Variants in PCDHGB3 observed in about 807,000 individuals in gnomAD.
PCDHGB3 encodes the protein protocadherin gamma subfamily B, 3, also known as protocadherin gamma-B3.
Under a neutral mutation model 59.2 loss-of-function variants are expected in PCDHGB3, and 40 were observed. That is an observed-to-expected ratio of 0.68 (90% CI 0.52 to 0.88). The LOEUF (loss-of-function observed/expected upper bound fraction) is 0.88, where lower values mean the gene tolerates loss of function less well. Ranked by LOEUF, PCDHGB3 falls within the 40% of genes least tolerant of loss-of-function variation. PCDHGB3 has a pLI of 0.00. For synonymous variants in PCDHGB3, 581 were observed against 503.6 expected (o/e 1.15, Z -2.06); for missense variants, 1,309 against 1,187.9 (o/e 1.10, Z -1.50).
intron 1 of PCDHGB3, chr5:141,382,981 G>A (rs781148657): frequency 6.2e-7 from 1 of 1,612,324 alleles, no homozygotes; most frequent in Non-Finnish European, 8.5e-7. Flanking sequence ...GGAAGCCTGG[G>A]CAGGACGTAT....
At chr5:141,427,922 G>T (rs949317839) in intron 1 of PCDHGB3, 2 of 1,580,624 alleles carry the variant, frequency 1.3e-6, no homozygotes, top group African/African-American at 1.3e-5. Context: ...ACATGAGCCG[G>T]CGCATGTTGG....
At position 141,431,159 on chromosome 5, in the gene PCDHGB3, C is replaced by T. The variant is rs1017606383; in HGVS notation, c.2415+58350C>T. Reference sequence around the variant, plus strand: ...CATTAACGACAATGCGCCTTACTTTCGTGAAAGTGAATTAGAAATAAAAAT... The same window carrying T: ...CATTAACGACAATGCGCCTTACTTTTGTGAAAGTGAATTAGAAATAAAAAT... On this transcript the variant is annotated intron_variant, in intron 1 of 3. Transcript: ENST00000576222. The surrounding 1 kb of genome is among the most constrained non-coding windows in gnomAD (Gnocchi z 4.8). 1 of 1,614,158 alleles carries T rather than the reference C, an allele frequency of 6.2e-7. No individual in the cohort carries two copies. The highest frequency in any genetic ancestry group is 1.3e-5 in the African/African-American group (1 of 75,046).
At position 141,477,055 on chromosome 5, in the gene PCDHGB3, G is replaced by A. The variant is rs531755338; in HGVS notation, c.2416-17752G>A. Reference sequence around the variant, plus strand: ...CAATCAAGGGTCGGCTGGACTTCGAGGACACCAAACTCCATGAGATTTACA... The same window carrying A: ...CAATCAAGGGTCGGCTGGACTTCGAAGACACCAAACTCCATGAGATTTACA... On this transcript the variant is annotated intron_variant, in intron 1 of 3. Transcript: ENST00000576222. This position sits in a 1 kb window ranked among gnomAD's most constrained non-coding sequence, Gnocchi z 4.9. The A allele has an allele frequency of 4.5e-5, 72 of 1,614,242 alleles. 1 individual carries two copies. In the South Asian group the frequency reaches 7.8e-4, roughly 17 times the overall value.
At chr5:141,374,753 A>C in intron 1 of PCDHGB3, 1 of 1,612,912 alleles carries the variant, frequency 6.2e-7, no homozygotes, top group Admixed American at 1.7e-5. Context: ...TGTCCGCTCA[A>C]GCGTCGCCCA....
chr5:141,384,202 G>A (rs752360983), intron 1 of PCDHGB3: 9 of 1,613,734 alleles, frequency 5.6e-6, no homozygotes, highest in Non-Finnish European at 6.8e-6. Flanking sequence ...CTTGTCCAGG[G>A]AAACTCACAT....
In PCDHGB3 at chr5:141,485,441, A is replaced by G. The variant is rs1562105312; in HGVS notation, c.2416-9366A>G. ...CGGAGCCCTGCTCATCAAGAACCCA[A>G]TCGACCGAGAGGCACTGTGTGGGCT... On this transcript the variant is annotated intron_variant, in intron 1 of 3. Transcript: ENST00000576222. The surrounding 1 kb of genome is among the most constrained non-coding windows in gnomAD (Gnocchi z 5.7). 3 of 1,613,910 alleles carry G rather than the reference A, an allele frequency of 1.9e-6. No homozygotes were observed. Among genetic ancestry groups the G allele is most frequent in the South Asian group, 1.1e-5 (1 of 91,062 alleles).
intron 1 of PCDHGB3, chr5:141,390,525 G>C: frequency 1.8e-6 from 1 of 552,024 alleles, no homozygotes; most frequent in Non-Finnish European, 3.2e-6. Context: ...CAATGAGGGT[G>C]TGGTTTTAAC....
Position 141,491,670 on chromosome 5 carries a change from C to T in PCDHGB3, c.2416-3137C>T. The T allele has an allele frequency of 2.5e-6, 4 of 1,613,768 alleles. No individual in the cohort carries two copies. Among genetic ancestry groups the T allele is most frequent in the South Asian group, 1.1e-5 (1 of 91,082 alleles). On this transcript the variant is annotated intron_variant, in intron 1 of 3. Coordinates refer to ENST00000576222, the MANE Select transcript of PCDHGB3 (RefSeq NM_018924.5). The surrounding 1 kb of genome is among the most constrained non-coding windows in gnomAD (Gnocchi z 6.9). ...CGCTGGAGCCTGACGCCATCCGGTC[C>T]CGCTCTAATACGCTGCGGGAGCGGA...
At position 141,403,597 on chromosome 5, in the gene PCDHGB3, G is replaced by T. The variant is rs772486529; in HGVS notation, c.2415+30788G>T. On this transcript the variant is annotated intron_variant, in intron 1 of 3. Transcript: ENST00000576222. ...CCCACCACCTGGTCCTCACGGCCTC[G>T]GATGGCGGCGAGCCGCGTCGCTCCA... The T allele has an allele frequency of 1.3e-5, 21 of 1,613,692 alleles. No individual in the cohort carries two copies. The African/African-American group carries it at 2.5e-4, about 19-fold the overall frequency.
intron 1 of PCDHGB3, chr5:141,417,545 T>C: frequency 3.2e-6 from 1 of 312,052 alleles, no homozygotes; most frequent in East Asian, 5.5e-5. Context: ...AAAAAATTCC[T>C]TGAAAGAGGT....
At position 141,371,931 on chromosome 5, in the gene PCDHGB3, G is replaced by A. The variant is rs934034667; in HGVS notation, c.1537G>A (p.Val513Met). 21 of 1,613,254 alleles carry A rather than the reference G, an allele frequency of 1.3e-5. No homozygotes were observed. The Middle Eastern group carries it at 4.9e-4, about 38-fold the overall frequency. ...CGTGTCCGTGAGCGCGCGGAGCGGG[G>A]TGGTGTTCGCGCAGCGAGCCTTCGA... ...SYVSVSARSG[V>M]VFAQRAFDHE... Residue 513 changes from valine (V) to methionine (M), a missense_variant, in exon 1 of 4, where the codon GTG becomes ATG. Physicochemically the swap from Val to Met is conservative, Grantham distance 21. Transcript: ENST00000576222.
intron 1 of PCDHGB3, among the ~76,000 whole-genome samples, chr5:141,437,913 T>G (rs1232481433): frequency 6.6e-6 from 1 of 152,138 alleles, no homozygotes; most frequent in East Asian, 1.9e-4. Context: ...AATTTTTGTA[T>G]TTTTAGTAGA....
rs767245444 is a variant in PCDHGB3, at chr5:141,393,478, G to A, written c.2415+20669G>A. 1 of 1,614,052 alleles carries A rather than the reference G, an allele frequency of 6.2e-7. No homozygotes were observed. On this transcript the variant is annotated intron_variant, in intron 1 of 3. Transcript: ENST00000576222. ...GCCTCGGATGGCGGCAAGCCGCCTC[G>A]CTCTAGCACAGTGCGCATCCACGTG... is the stretch of plus-strand genomic sequence containing the variant.
Position 141,408,609 on chromosome 5 carries a change from A to T in PCDHGB3, c.2415+35800A>T, listed in dbSNP as rs765291231. 3 of 1,613,970 alleles carry T rather than the reference A, an allele frequency of 1.9e-6. No homozygotes were observed. The highest frequency in any genetic ancestry group is 2.5e-6 in the Non-Finnish European group (3 of 1,179,916). On this transcript the variant is annotated intron_variant, in intron 1 of 3. Coordinates refer to ENST00000576222, the MANE Select transcript of PCDHGB3 (RefSeq NM_018924.5). ...GACCACGCCCCTCAATTTGATAAAA[A>T]GGAAATACATTTAGAAATTTTCGAA...
chr5:141,397,965 C>G (rs2093591451), intron 1 of PCDHGB3: 3 of 1,077,486 alleles, frequency 2.8e-6, no homozygotes, highest in South Asian at 1.7e-5. Context: ...AGCTCAGACT[C>G]CCCAGCGCCG....
At chr5:141,466,716 T>A (rs2099127818) in intron 1 of PCDHGB3, among the ~76,000 whole-genome samples, 1 of 152,210 alleles carries the variant, frequency 6.6e-6, no homozygotes, top group South Asian at 2.1e-4. Flanking sequence ...TGTTCTTGTT[T>A]CCATTTTAGC....
At chr5:141,484,047 TC>T (rs1351554084) in intron 1 of PCDHGB3, among the ~76,000 whole-genome samples, 1 of 151,912 alleles carries the variant, frequency 6.6e-6, no homozygotes, top group African/African-American at 2.4e-5. Context: ...CTCCAAGAGG[TC>T]CCCTGGGGCT....
At chr5:141,377,878 G>A (rs568106041) in intron 1 of PCDHGB3, 1 of 152,254 alleles carries the variant, frequency 6.6e-6, no homozygotes, top group East Asian at 1.9e-4. Flanking sequence ...TCTCTTATCA[G>A]AGATAGGATC....
intron 1 of PCDHGB3, chr5:141,478,233 T>G: frequency 6.2e-7 from 1 of 1,614,126 alleles, no homozygotes. Context: ...GTGGGGTTTG[T>G]GGTCACAGTG....
Sources: gnomAD v4.1 joint callset for allele counts (sites outside exome capture counted in the v4.1 genomes callset) on GRCh38, gnomAD v4.1.1 for gene constraint, Gnocchi (gnomAD v3.1) non-coding constraint, MANE v1.5 for transcripts, NCBI Gene and HGNC (gene_info 2026-07-23, HGNC 2026-07-21) for gene names.